DNAH5: variants seen among roughly 807,000 people sequenced by gnomAD.
DNAH5 encodes axonemal beta dynein heavy chain 5.
A neutral mutation model predicts 518.2 loss-of-function variants in DNAH5; 372 were observed. The observed-to-expected ratio is 0.72, with a 90% CI of 0.66 to 0.78. The LOEUF (loss-of-function observed/expected upper bound fraction) is 0.78, where lower values mean the gene tolerates loss of function less well. Among genes scored for constraint, DNAH5 ranks in the 30% least tolerant of loss-of-function variants. The pLI is 0.00. For synonymous variants in DNAH5, 2,039 were observed against 2,025.9 expected (o/e 1.01, Z -0.17); for missense variants, 5,523 against 5,687.0 (o/e 0.97, Z 0.93).
Position 13,864,492 on chromosome 5 carries a change from T to C in DNAH5, c.4501A>G (p.Thr1501Ala). Residue 1501 changes from threonine (T) to alanine (A), a missense_variant, in exon 28 of 79, where the codon ACC (threonine) becomes GCC (alanine). Physicochemically the swap from Thr to Ala is moderately conservative, Grantham distance 58. Around this residue, in one of 3 missense-constraint regions of DNAH5, gnomAD observed 5,121 missense variants for 5,223.3 expected, o/e 0.98. Transcript: ENST00000265104. Reference protein sequence around the residue: ...MMERHWERITTLTGHSLDVGN... With the variant: ...MMERHWERITALTGHSLDVGN... ...ACATCCAGACTGTGCCCGGTGAGGG[T>C]GGTTATCCTTTCCCAGTGCCGCTCC... 6.2e-7 allele frequency: 1 copy of C among 1,614,092 alleles called. No individual in the cohort carries two copies. Among genetic ancestry groups the C allele is most frequent in the Non-Finnish European group, 8.5e-7 (1 of 1,180,020 alleles).
In DNAH5 at chr5:13,708,169, G is replaced by A. The variant is rs747411234; in HGVS notation, c.13292C>T (p.Ala4431Val). The change falls in exon 76 of 79, where the codon GCA becomes GTA. Residue 4431 changes from alanine (A) to valine (V), a missense_variant. Physicochemically the swap from Ala to Val is moderately conservative, Grantham distance 64. Transcript: ENST00000265104. ...TIIMSENLRD[A>V]LDCMFDARIP... Reference sequence around the variant, plus strand: ...TCTAGCATCAAACATGCAATCCAATGCATCTCGCAGATTTTCGCTCATGAT... The same window carrying A: ...TCTAGCATCAAACATGCAATCCAATACATCTCGCAGATTTTCGCTCATGAT... 1 of 1,614,154 alleles carries A rather than the reference G, an allele frequency of 6.2e-7. No homozygotes were observed. Among genetic ancestry groups the A allele is most frequent in the Non-Finnish European group, 8.5e-7 (1 of 1,180,010 alleles).
Position 13,753,248 on chromosome 5 carries a change from G to A in DNAH5, c.10857C>T (p.Ser3619=). The A allele has an allele frequency of 2.5e-6, 4 of 1,613,434 alleles. No individual in the cohort carries two copies. The highest frequency in any genetic ancestry group is 2.5e-6 in the Non-Finnish European group (3 of 1,179,534). The change falls in exon 63 of 79, where the codon AGC becomes AGT. Residue 3619 remains serine, a synonymous_variant. Transcript: ENST00000265104. ...QGKIWIKNKE[S]RNELQITSLN... is the part of the protein sequence containing the mutation. ...CACAAATTACCTGGAGTTCATTTCGGCTTTCTTTATTTTTAATCCAGATCT... is the reference window on the plus strand; with the variant it reads ...CACAAATTACCTGGAGTTCATTTCGACTTTCTTTATTTTTAATCCAGATCT...
intron 26 of DNAH5, 137 bp from the exon 27 acceptor site, chr5:13,866,043 C>T: frequency 1.1e-6 from 1 of 882,438 alleles, no homozygotes; most frequent in Non-Finnish European, 1.8e-6. Context: ...ACTAAGTTGG[C>T]ATAATTAATT....
chr5:13,766,119 T>A lies in DNAH5; in HGVS notation c.9958A>T (p.Met3320Leu). 6.2e-7 allele frequency: 1 copy of A among 1,614,184 alleles called. No homozygotes were observed. The highest frequency in any genetic ancestry group is 8.5e-7 in the Non-Finnish European group (1 of 1,180,002). The part of the protein sequence containing the change: ...RTLGRPPHLI[M>L]RIMDCVLLLF... ...AGCAGTACGCAATCCATGATCCGCA[T>A]GATGAGGTGAGGGGGGCGGCCCAAC... Residue 3320 changes from methionine to leucine, a missense_variant, in exon 59 of 79, where the codon ATG (methionine) becomes TTG (leucine). This residue lies in a region of DNAH5 where 5,121 missense variants were observed against 5,223.3 expected (regional missense o/e 0.98). Transcript: ENST00000265104.
intron 65 of DNAH5, 28 bp downstream of exon 65, chr5:13,751,050 G>A: frequency 1.2e-6 from 2 of 1,611,344 alleles, no homozygotes; most frequent in Admixed American, 1.7e-5. Context: ...AAGCAATGCA[G>A]AATGGGAGGG....
chr5:13,965,228 TA>T (rs200625500), intron 1 of DNAH5, among the ~76,000 whole-genome samples: 38 of 152,064 alleles, frequency 2.5e-4, no homozygotes, highest in Admixed American at 5.2e-4. Flanking sequence ...ACCTGTATGT[TA>T]AAAAAAATGA....
chr5:13,825,624 A>G (rs1762794431), intron 38 of DNAH5, among the ~76,000 whole-genome samples: 1 of 152,234 alleles, frequency 6.6e-6, no homozygotes, highest in Non-Finnish European at 1.5e-5. Context: ...ATCAAATATT[A>G]TATGATTTCA....
At position 13,752,116 on chromosome 5, in the gene DNAH5, T is replaced by C; in HGVS notation, c.11028+18A>G. ...ATGGTAATTGTTCTGCACATTGTCA[T>C]CCATAGGTTTAACCTACCTTAAAGG... is the stretch of plus-strand genomic sequence containing the variant. On this transcript the variant is annotated intron_variant, in intron 64 of 78. Coordinates refer to ENST00000265104, the MANE Select transcript of DNAH5 (RefSeq NM_001369.3). 1 of 1,613,388 alleles carries C rather than the reference T, an allele frequency of 6.2e-7. No individual in the cohort carries two copies. Among genetic ancestry groups the C allele is most frequent in the Non-Finnish European group, 8.5e-7 (1 of 1,179,412 alleles).
chr5:13,879,142 T>C (rs962940827), intron 21 of DNAH5, among the ~76,000 whole-genome samples: 3 of 152,194 alleles, frequency 2.0e-5, no homozygotes, highest in Non-Finnish European at 2.9e-5. Flanking sequence ...GAGGTAGCTG[T>C]CTTTTATAAT....
rs1554044722 is a variant in DNAH5 at position 13,778,596 on chromosome 5, A to AGAG, written c.8952-1242_8952-1241insCTC. Among the ~76,000 whole-genome samples, 45 of 102,238 alleles carry AGAG rather than the reference A, an allele frequency of 4.4e-4. No individual in the cohort carries two copies. In the East Asian group the frequency reaches 8.5e-3, roughly 19 times the overall value. The allele number at this position is 102,238 out of a possible 152,430, so 67.1% of individuals were successfully genotyped here. The stretch of plus-strand genomic sequence containing the variant: ...AAAGAAAGAAAGAAAGAAAGAAAGA[A>AGAG]AGAGAGAGAGAAAGAAAAAGAAAGA... On this transcript the variant is annotated intron_variant, in intron 53 of 78. Transcript: ENST00000265104.
chr5:13,956,721 A>G (rs574076510), intron 1 of DNAH5, among the ~76,000 whole-genome samples: 1 of 152,342 alleles, frequency 6.6e-6, no homozygotes, highest in East Asian at 1.9e-4. Context: ...GCATGATTCA[A>G]CTGCCACATT....
rs576646752 is a variant in DNAH5 at position 13,979,024 on chromosome 5, G to A, written c.12+32624C>T. On this transcript the variant is annotated intron_variant, in intron 1 of 78. Transcript: ENST00000681290. ...TCTGAGTAAAAGCCAACATCTCCACGAAGGCCTCGAGAACCCCACCCCATT... is the reference window on the plus strand; with the variant it reads ...TCTGAGTAAAAGCCAACATCTCCACAAAGGCCTCGAGAACCCCACCCCATT... 4.6e-5 allele frequency among the ~76,000 whole-genome samples: 7 copies of A among 151,962 alleles called. No individual in the cohort carries two copies. In the East Asian group the frequency reaches 5.8e-4, roughly 13 times the overall value.
At position 13,878,042 on chromosome 5, in the gene DNAH5, G is replaced by A. The variant is rs144182754; in HGVS notation, c.3263-1225C>T. On this transcript the variant is annotated intron_variant, in intron 21 of 78. Coordinates refer to ENST00000265104, the MANE Select transcript of DNAH5 (RefSeq NM_001369.3). ...CTATCTCTGGGAGCAGACGGGACTG[G>A]CATTTGTGTGTCTCTCTAGACCACA... Among the ~76,000 whole-genome samples the A allele has an allele frequency of 3.0e-4, 46 of 152,244 alleles. No individual in the cohort carries two copies. In the East Asian group the frequency reaches 7.9e-3, roughly 26 times the overall value.
In DNAH5 at chr5:13,765,995, T is replaced by C. The variant is rs1208126346; in HGVS notation, c.10082A>G (p.Asn3361Ser). The stretch of plus-strand genomic sequence containing the variant: ...ACCAACCTGTAAGTTCTGTAAAAAG[T>C]TCCCTGCAGTCATCAATTTTAAGGA... ...QESLKLMTAGNFLQNLQQFPK... is the reference protein window; with the variant it reads ...QESLKLMTAGSFLQNLQQFPK... Residue 3361 changes from asparagine to serine, a missense_variant, in exon 59 of 79, where the codon AAC (asparagine) becomes AGC (serine). Asn to Ser is a conservative substitution (Grantham distance 46, BLOSUM62 1). Around this residue, in one of 3 missense-constraint regions of DNAH5, gnomAD observed 5,121 missense variants for 5,223.3 expected, o/e 0.98. Transcript: ENST00000265104. 1 of 1,614,184 alleles carries C rather than the reference T, an allele frequency of 6.2e-7. No homozygotes were observed.
In DNAH5 at chr5:13,700,743, A is replaced by G; in HGVS notation, c.13620T>C (p.Leu4540=). 6.2e-7 allele frequency: 1 copy of G among 1,614,178 alleles called. No homozygotes were observed. Among genetic ancestry groups the G allele is most frequent in the Non-Finnish European group, 8.5e-7 (1 of 1,180,010 alleles). The change falls in exon 78 of 79, where the codon CTT becomes CTC. Residue 4540 remains leucine (L), a synonymous_variant. Transcript: ENST00000265104. ...TEGVYVYGLY[L]EGAGWDKRNM... is the part of the protein sequence containing the mutation. ...TCCTCTTGTCCCAGCCAGCACCTTC[A>G]AGATATAAGCCATAGACATAGACAC... is the stretch of plus-strand genomic sequence containing the variant.
chr5:13,818,422 C>T (rs1288328903), intron 41 of DNAH5, among the ~76,000 whole-genome samples: 1 of 152,250 alleles, frequency 6.6e-6, no homozygotes, highest in Non-Finnish European at 1.5e-5. Context: ...CACGGTGAAA[C>T]CCCGTCTCTG....
intron 29 of DNAH5, 83 bp from the exon 30 acceptor site, chr5:13,859,688 AT>A: frequency 7.3e-7 from 1 of 1,373,208 alleles, no homozygotes; most frequent in Non-Finnish European, 1.0e-6. Flanking sequence ...AAAAATCTTA[AT>A]TTTTAACCGC....
intron 21 of DNAH5, among the ~76,000 whole-genome samples, chr5:13,877,250 A>T (rs1190940318): frequency 6.6e-6 from 1 of 152,046 alleles, no homozygotes; most frequent in Non-Finnish European, 1.5e-5. Context: ...TCACTCTTTG[A>T]GCTGTCTGGG....
At position 13,919,267 on chromosome 5, in the gene DNAH5, G is replaced by T. The variant is rs375537280; in HGVS notation, c.884C>A (p.Ser295Tyr). The stretch of plus-strand genomic sequence containing the variant: ...TTGTTCCAAAAGGTAGTTAAACTTG[G>T]AGAGTCTTTTTTTCCAGTGCTCCAG... Reference protein sequence around the residue: ...AELEHWKKRLSKFNYLLEQLK... With the variant: ...AELEHWKKRLYKFNYLLEQLK... The change falls in exon 7 of 79, where the codon TCC (serine) becomes TAC (tyrosine). Residue 295 changes from serine to tyrosine, a missense_variant. Physicochemically the swap from Ser to Tyr is moderately radical, Grantham distance 144 (BLOSUM62 -2). Around this residue, in one of 3 missense-constraint regions of DNAH5, gnomAD observed 5,121 missense variants for 5,223.3 expected, o/e 0.98. Transcript: ENST00000265104. The T allele has an allele frequency of 1.2e-6, 2 of 1,614,008 alleles. No individual in the cohort carries two copies. The highest frequency in any genetic ancestry group is 2.7e-5 in the African/African-American group (2 of 74,898).
Sources: allele counts gnomAD v4.1 joint callset (sites outside exome capture counted in the v4.1 genomes callset), GRCh38; gene constraint gnomAD v4.1.1; regional missense constraint gnomAD v4.1.1; transcripts MANE v1.5; gene names NCBI Gene and HGNC (gene_info 2026-07-23, HGNC 2026-07-21).